The following RSC1A1 variants were observed in gnomAD, a reference collection of about 807,000 sequenced individuals.
RSC1A1 encodes the protein regulator of solute carriers 1, also known as regulatory solute carrier protein family 1 member 1.
In RSC1A1, 6 loss-of-function variants were observed where a neutral mutation model predicts 7.7. That is an observed-to-expected ratio of 0.78 (90% CI 0.43 to 1.53). The LOEUF is 1.53. RSC1A1 is among the 40% of genes most tolerant of loss of function. The pLI is 0.01. For missense variants in RSC1A1, 729 were observed against 726.3 expected (o/e 1.00, Z -0.04); for synonymous variants, 250 against 263.0 (o/e 0.95, Z 0.48).
rs1191253426 is a variant in RSC1A1, at chr1:15,661,360, G to A, written c.1492G>A (p.Ala498Thr). 1 of 1,614,102 alleles carries A rather than the reference G, an allele frequency of 6.2e-7. No individual in the cohort carries two copies. The highest frequency in any genetic ancestry group is 8.5e-7 in the Non-Finnish European group (1 of 1,180,030). The change falls in exon 1 of 1, where the codon GCA (alanine) becomes ACA (threonine). Residue 498 changes from alanine (A) to threonine (T), a missense_variant. Transcript: ENST00000345034. The stretch of plus-strand genomic sequence containing the variant: ...TGTAGAAATTTCACCCAAACTTTTA[G>A]CAGGTGAGGAGGATGCACTCAATCA... ...LGVEISPKLL[A>T]GEEDALNQTS...
Position 15,660,233 on chromosome 1 carries a change from A to G in RSC1A1, c.365A>G (p.Lys122Arg). ...GCTGAAAGAAGCACCCAGGGCCTCA[A>G]ATTTCATCTCCATACAAGACAGGAA... Reference protein sequence around the residue: ...KSAERSTQGLKFHLHTRQEAS... With the variant: ...KSAERSTQGLRFHLHTRQEAS... The change falls in exon 1 of 1, where the codon AAA becomes AGA. Residue 122 changes from lysine (K) to arginine (R), a missense_variant. By Grantham distance (26) the Lys-to-Arg change is conservative. Transcript: ENST00000345034. 2.5e-6 allele frequency: 4 copies of G among 1,614,204 alleles called. No homozygotes were observed. Among genetic ancestry groups the G allele is most frequent in the Non-Finnish European group, 2.5e-6 (3 of 1,180,040 alleles).
At position 15,660,931 on chromosome 1, in the gene RSC1A1, G is replaced by C; in HGVS notation, c.1063G>C (p.Ala355Pro). Residue 355 changes from alanine (A) to proline (P), a missense_variant, in exon 1 of 1, where the codon GCC (alanine) becomes CCC (proline). Coordinates refer to ENST00000345034, the MANE Select transcript of RSC1A1 (RefSeq NM_006511.3). ...AEESCPSITA[A>P]LKELHELLVV... ...AGAATCTTGCCCGTCTATAACGGCA[G>C]CCTTGAAAGAACTTCATGAACTTTT... The C allele has an allele frequency of 1.2e-6, 2 of 1,613,380 alleles. No individual in the cohort carries two copies. The highest frequency in any genetic ancestry group is 1.7e-6 in the Non-Finnish European group (2 of 1,179,708).
In RSC1A1 at chr1:15,660,853, T is replaced by G. The variant is rs1275941616; in HGVS notation, c.985T>G (p.Tyr329Asp). Reference sequence around the variant, plus strand: ...TGGAACAAATAAAGAATATGGCCATTACTCCTCTCCAAGTCTCTGTGGCAG... The same window carrying G: ...TGGAACAAATAAAGAATATGGCCATGACTCCTCTCCAAGTCTCTGTGGCAG... ...IPGTNKEYGH[Y>D]SSPSLCGSCQ... The change falls in exon 1 of 1, where the codon TAC becomes GAC. Residue 329 changes from tyrosine (Y) to aspartate (D), a missense_variant. By Grantham distance (160) the Tyr-to-Asp change is radical (BLOSUM62 -3). Coordinates refer to ENST00000345034, the MANE Select transcript of RSC1A1 (RefSeq NM_006511.3). 6.2e-7 allele frequency: 1 copy of G among 1,614,154 alleles called. No homozygotes were observed. Among genetic ancestry groups the G allele is most frequent in the Non-Finnish European group, 8.5e-7 (1 of 1,180,012 alleles).
chr1:15,661,726 T>G lies in RSC1A1; in HGVS notation c.*4T>G, dbSNP rs762758874. The G allele has an allele frequency of 7.5e-6, 12 of 1,600,778 alleles. No homozygotes were observed. The East Asian group carries it at 2.7e-4, about 36-fold the overall frequency. ...AAACATCGTAGTTCCTACATGACTG[T>G]GGGAAAGTGGGCTAGACCGTTCTCC... On this transcript the variant is annotated 3_prime_UTR_variant, in exon 1 of 1. Transcript: ENST00000345034.
rs1313724298 is a variant in RSC1A1, at chr1:15,661,242, A to C, written c.1374A>C (p.Glu458Asp). The change falls in exon 1 of 1, where the codon GAA becomes GAC. Residue 458 changes from glutamate (E) to aspartate (D), a missense_variant. Glu to Asp is a conservative substitution (Grantham distance 45). Coordinates refer to ENST00000345034, the MANE Select transcript of RSC1A1 (RefSeq NM_006511.3). ...GTGATGGCCTGTCAACCGATAAGGA[A>C]GGTGTCCCCAAATCTAGGGAATCCA... ...SLGDGLSTDKEGVPKSRESIN... is the reference protein window; with the variant it reads ...SLGDGLSTDKDGVPKSRESIN... 6.2e-7 allele frequency: 1 copy of C among 1,614,214 alleles called. No homozygotes were observed. The highest frequency in any genetic ancestry group is 8.5e-7 in the Non-Finnish European group (1 of 1,180,028).
chr1:15,660,634 C>T, the RSC1A1 span: 11 of 1,614,082 alleles, frequency 6.8e-6, no homozygotes, highest in Non-Finnish European at 9.3e-6. Context: ...TACAGCTCAA[C>T]AGTCCCTAGT....
chr1:15,661,679 C>G lies in RSC1A1; in HGVS notation c.1811C>G (p.Ala604Gly). 3 of 1,613,476 alleles carry G rather than the reference C, an allele frequency of 1.9e-6. No individual in the cohort carries two copies. The highest frequency in any genetic ancestry group is 2.5e-6 in the Non-Finnish European group (3 of 1,179,596). ...LHRVGGNADL[A>G]LLVLLAKNIV... ...CGAGTTGGTGGGAATGCAGACCTTG[C>G]ACTTCTTGTTTTGCTCGCAAAAAAC... is the stretch of plus-strand genomic sequence containing the variant. Residue 604 changes from alanine to glycine, a missense_variant, in exon 1 of 1, where the codon GCA becomes GGA. Ala to Gly is a moderately conservative substitution (Grantham distance 60, BLOSUM62 0). Coordinates refer to ENST00000345034, the MANE Select transcript of RSC1A1 (RefSeq NM_006511.3).
chr1:15,659,915 C>T lies in RSC1A1; in HGVS notation c.47C>T (p.Ser16Phe). The change falls in exon 1 of 1, where the codon TCT (serine) becomes TTT (phenylalanine). Residue 16 changes from serine (S) to phenylalanine (F), a missense_variant. By Grantham distance (155) the Ser-to-Phe change is radical. Transcript: ENST00000345034. ...GATGGGTTTAACCATCCCGCCCGTT[C>T]TTCAGGACAGAGTCCTGATGTTGGT... is the stretch of plus-strand genomic sequence containing the variant. ...TSDGFNHPARSSGQSPDVGNP... is the reference protein window; with the variant it reads ...TSDGFNHPARFSGQSPDVGNP... The T allele has an allele frequency of 6.2e-7, 1 of 1,609,010 alleles. No individual in the cohort carries two copies. Among genetic ancestry groups the T allele is most frequent in the Non-Finnish European group, 8.5e-7 (1 of 1,178,502 alleles).
chr1:15,660,628 G>C lies in RSC1A1; in HGVS notation c.760G>C (p.Ala254Pro), dbSNP rs551392380. ...AGAAACATTTATGGAAATCGATACA[G>C]CTCAACAGTCCCTAGTTACTTTGCT... ...NSETFMEIDTAQQSLVTLLNS... is the reference protein window; with the variant it reads ...NSETFMEIDTPQQSLVTLLNS... Residue 254 changes from alanine to proline, a missense_variant, in exon 1 of 1, where the codon GCT (alanine) becomes CCT (proline). Ala to Pro is a conservative substitution (Grantham distance 27, BLOSUM62 -1). Coordinates refer to ENST00000345034, the MANE Select transcript of RSC1A1 (RefSeq NM_006511.3). The C allele has an allele frequency of 8.1e-6, 13 of 1,614,172 alleles. No individual in the cohort carries two copies. In the African/African-American group the frequency reaches 1.3e-4, roughly 17 times the overall value.
rs373171208 is a variant in RSC1A1, at chr1:15,661,613, G to C, written c.1745G>C (p.Arg582Pro). 28 of 1,613,908 alleles carry C rather than the reference G, an allele frequency of 1.7e-5. 1 individual carries two copies. In the South Asian group the frequency reaches 3.0e-4, roughly 17 times the overall value. Residue 582 changes from arginine (R) to proline (P), a missense_variant, in exon 1 of 1, where the codon CGT becomes CCT. Coordinates refer to ENST00000345034, the MANE Select transcript of RSC1A1 (RefSeq NM_006511.3). ...GCCACAGATATTGACCGCATTCTCC[G>C]TGCTGGCTTTACTTTGCAGGAAGCT... is the stretch of plus-strand genomic sequence containing the variant. ...FPATDIDRIL[R>P]AGFTLQEALG...
chr1:15,659,864 T>C lies in RSC1A1; in HGVS notation c.-5T>C, dbSNP rs745987381. 7.6e-5 allele frequency: 119 copies of C among 1,560,520 alleles called. No individual in the cohort carries two copies. Among genetic ancestry groups the C allele is most frequent in the Non-Finnish European group, 9.6e-5 (111 of 1,157,654 alleles). On this transcript the variant is annotated 5_prime_UTR_variant, in exon 1 of 1. Coordinates refer to ENST00000345034, the MANE Select transcript of RSC1A1 (RefSeq NM_006511.3). Reference sequence around the variant, plus strand: ...AAAAGTGGTAAAGAATCTACCTCACTGGGAATGTCATCATTACCAACTTCA... The same window carrying C: ...AAAAGTGGTAAAGAATCTACCTCACCGGGAATGTCATCATTACCAACTTCA...
Position 15,660,882 on chromosome 1 carries a change from T to G in RSC1A1, c.1014T>G (p.Cys338Trp). ...CCTCTCCAAGTCTCTGTGGCAGTTGTCAGCCTTCTGTGGAGTCAGCAGAAG... is the reference window on the plus strand; with the variant it reads ...CCTCTCCAAGTCTCTGTGGCAGTTGGCAGCCTTCTGTGGAGTCAGCAGAAG... ...HYSSPSLCGS[C>W]QPSVESAEES... Residue 338 changes from cysteine (C) to tryptophan (W), a missense_variant, in exon 1 of 1, where the codon TGT (cysteine) becomes TGG (tryptophan). Physicochemically the swap from Cys to Trp is radical, Grantham distance 215 (BLOSUM62 -2). Transcript: ENST00000345034. The G allele has an allele frequency of 6.2e-7, 1 of 1,614,174 alleles. No homozygotes were observed. Among genetic ancestry groups the G allele is most frequent in the Non-Finnish European group, 8.5e-7 (1 of 1,180,020 alleles).
chr1:15,661,444 C>G lies in RSC1A1; in HGVS notation c.1576C>G (p.Gln526Glu), dbSNP rs1291442800. ...TTTCATATTGGTTAAAGACTTAGGT[C>G]AGGGCATACAGAATTCAGTAACAGA... is the stretch of plus-strand genomic sequence containing the variant. ...SNFILVKDLG[Q>E]GIQNSVTDRP... Residue 526 changes from glutamine to glutamate, a missense_variant, in exon 1 of 1, where the codon CAG becomes GAG. Gln to Glu is a conservative substitution (Grantham distance 29). Coordinates refer to ENST00000345034, the MANE Select transcript of RSC1A1 (RefSeq NM_006511.3). 2.5e-6 allele frequency: 4 copies of G among 1,614,006 alleles called. No homozygotes were observed. Among genetic ancestry groups the G allele is most frequent in the South Asian group, 1.1e-5 (1 of 91,016 alleles).
Position 15,660,039 on chromosome 1 carries a change from G to C in RSC1A1, c.171G>C (p.Lys57Asn), listed in dbSNP as rs762537226. ...AACCTAAAGCTGTGAAGGCTTTGAAGGCTTCAGCTGAATTCCAGCTAAACT... is the reference window on the plus strand; with the variant it reads ...AACCTAAAGCTGTGAAGGCTTTGAACGCTTCAGCTGAATTCCAGCTAAACT... Reference protein sequence around the residue: ...RIEPKAVKALKASAEFQLNSE... With the variant: ...RIEPKAVKALNASAEFQLNSE... The change falls in exon 1 of 1, where the codon AAG becomes AAC. Residue 57 changes from lysine (K) to asparagine (N), a missense_variant. Physicochemically the swap from Lys to Asn is moderately conservative, Grantham distance 94 (BLOSUM62 0). Transcript: ENST00000345034. 5.6e-6 allele frequency: 9 copies of C among 1,613,906 alleles called. No homozygotes were observed. The highest frequency in any genetic ancestry group is 7.6e-6 in the Non-Finnish European group (9 of 1,180,002).
rs1640332554 is a variant in RSC1A1, at chr1:15,659,801, A to G, written c.-68A>G. ...AATTTAGTGGCATTAGTCACCTGCT[A>G]ATTAATCTTTTTCCTTTCCCCTGTG... On this transcript the variant is annotated 5_prime_UTR_variant, in exon 1 of 1. Coordinates refer to ENST00000345034, the MANE Select transcript of RSC1A1 (RefSeq NM_006511.3). 1.1e-5 allele frequency: 17 copies of G among 1,481,368 alleles called. No individual in the cohort carries two copies. Among genetic ancestry groups the G allele is most frequent in the Non-Finnish European group, 1.4e-5 (16 of 1,123,810 alleles). The allele number at this position is 1,481,368 out of a possible 1,614,324, so 91.8% of individuals were successfully genotyped here.
chr1:15,660,713 T>G, the RSC1A1 span: 1 of 1,613,942 alleles, frequency 6.2e-7, no homozygotes, highest in South Asian at 1.1e-5. Flanking sequence ...GATCTCACTT[T>G]AGATAATCCC....
In RSC1A1 at chr1:15,661,039, A is replaced by G. The variant is rs776304901; in HGVS notation, c.1171A>G (p.Ser391Gly). The G allele has an allele frequency of 1.2e-6, 2 of 1,614,074 alleles. No individual in the cohort carries two copies. Among genetic ancestry groups the G allele is most frequent in the African/African-American group, 2.7e-5 (2 of 74,938 alleles). The change falls in exon 1 of 1, where the codon AGT becomes GGT. Residue 391 changes from serine (S) to glycine (G), a missense_variant. Transcript: ENST00000345034. ...AGAAACCATAGCTGAGGGCCAAACC[A>G]GTATTAAAGACCTTTCTGAAAGATG... Reference protein sequence around the residue: ...QSETIAEGQTSIKDLSERWTQ... With the variant: ...QSETIAEGQTGIKDLSERWTQ...
rs1450364061 is a variant in RSC1A1, at chr1:15,661,528, G to A, written c.1660G>A (p.Glu554Lys). 1 of 1,614,054 alleles carries A rather than the reference G, an allele frequency of 6.2e-7. No homozygotes were observed. The highest frequency in any genetic ancestry group is 8.5e-7 in the Non-Finnish European group (1 of 1,180,026). The change falls in exon 1 of 1, where the codon GAA becomes AAA. Residue 554 changes from glutamate (E) to lysine (K), a missense_variant. Coordinates refer to ENST00000345034, the MANE Select transcript of RSC1A1 (RefSeq NM_006511.3). ...PDASRPLLEY[E>K]PPTSHPSSSP... The stretch of plus-strand genomic sequence containing the variant: ...TGCTTCGAGGCCATTACTTGAATAT[G>A]AACCACCTACCAGCCATCCATCATC...
rs1299435031 is a variant in RSC1A1, at chr1:15,660,405, A to C, written c.537A>C (p.Ala179=). The C allele has an allele frequency of 1.2e-6, 2 of 1,614,004 alleles. No individual in the cohort carries two copies. Among genetic ancestry groups the C allele is most frequent in the Admixed American group, 3.3e-5 (2 of 59,956 alleles). Reference sequence around the variant, plus strand: ...CAGGGAATGAACAGTATGAGGTTGCACAACAAAAAGCTTCACATGACCAAG... The same window carrying C: ...CAGGGAATGAACAGTATGAGGTTGCCCAACAAAAAGCTTCACATGACCAAG... ...EEPGNEQYEV[A]QQKASHDQEY... is the part of the protein sequence containing the mutation. The change falls in exon 1 of 1, where the codon GCA becomes GCC. Residue 179 remains alanine, a synonymous_variant. Transcript: ENST00000345034.
Sources: allele counts gnomAD v4.1 joint callset, GRCh38; gene constraint gnomAD v4.1.1; transcripts MANE v1.5; gene names NCBI Gene and HGNC (gene_info 2026-07-23, HGNC 2026-07-21).